LRRK1: variants seen among roughly 807,000 people sequenced by gnomAD.
LRRK1 encodes the protein leucine rich repeat kinase 1, also known as leucine-rich repeat serine/threonine-protein kinase 1.
A neutral mutation model predicts 209.1 loss-of-function variants in LRRK1; 113 were observed. That is an observed-to-expected ratio of 0.54 (90% CI 0.46 to 0.63). The LOEUF (loss-of-function observed/expected upper bound fraction) is 0.63, where lower values mean the gene tolerates loss of function less well. Among genes scored for constraint, LRRK1 ranks in the 30% least tolerant of loss-of-function variants. The probability of loss-of-function intolerance (pLI) is 0.00; values close to 1 mark genes in which losing one functional copy is unlikely to be tolerated. For synonymous variants in LRRK1, 1,144 were observed against 1,099.7 expected (o/e 1.04, Z -0.80); for missense variants, 2,284 against 2,632.2 (o/e 0.87, Z 2.89).
intron 20 of LRRK1, among the ~76,000 whole-genome samples, chr15:101,036,671 T>A (rs1344145897): frequency 6.6e-6 from 1 of 152,190 alleles, no homozygotes; most frequent in Non-Finnish European, 1.5e-5. Context: ...GTATCATATG[T>A]CCTTGCTTTT....
At position 100,973,793 on chromosome 15, in the gene LRRK1, C is replaced by T; in HGVS notation, c.98-11C>T. 7.8e-7 allele frequency: 1 copy of T among 1,280,562 alleles called. No homozygotes were observed. Among genetic ancestry groups the T allele is most frequent in the Non-Finnish European group, 9.9e-7 (1 of 1,011,216 alleles). The allele number at this position is 1,280,562 out of a possible 1,614,324, so 79.3% of individuals were successfully genotyped here. On this transcript the variant is annotated splice_polypyrimidine_tract_variant and intron_variant, in intron 2 of 33. Transcript: ENST00000388948. ...CGGTGACGCCGTGTGTGTGTGCTTCCTCCCGCGCAGGTGCCGGGGACACGG... is the reference window on the plus strand; with the variant it reads ...CGGTGACGCCGTGTGTGTGTGCTTCTTCCCGCGCAGGTGCCGGGGACACGG...
intron 33 of LRRK1, chr15:101,067,169 T>C: frequency 2.3e-6 from 1 of 436,896 alleles, no homozygotes; most frequent in East Asian, 7.1e-5. Context: ...TCTCCAAGCC[T>C]GGGGTCTCAG....
At chr15:100,932,325 A>G (rs558006171) in intron 2 of LRRK1, among the ~76,000 whole-genome samples, 1 of 152,186 alleles carries the variant, frequency 6.6e-6, no homozygotes, top group South Asian at 2.1e-4. Flanking sequence ...AAGCACATGT[A>G]TGGTTATCTT....
Position 101,065,772 on chromosome 15 carries a change from G to C in LRRK1, c.5335G>C (p.Val1779Leu). ...YQLCARYFCG[V>L]PSPLRDMFPV... ...GCTGTGTGCCCGGTACTTCTGCGGG[G>C]TCCCCAGCCCCCTCAGGGACATGTT... The change falls in exon 32 of 34, where the codon GTC becomes CTC. Residue 1779 changes from valine to leucine, a missense_variant. This residue lies in a region of LRRK1 where 643 missense variants were observed against 695.9 expected (regional missense o/e 0.92). Coordinates refer to ENST00000388948, the MANE Select transcript of LRRK1 (RefSeq NM_024652.6). 1 of 1,614,102 alleles carries C rather than the reference G, an allele frequency of 6.2e-7. No homozygotes were observed.
chr15:101,057,443 GGTGTTTTT>G (rs1244226234), intron 28 of LRRK1, among the ~76,000 whole-genome samples: 2 of 152,140 alleles, frequency 1.3e-5, no homozygotes, highest in Non-Finnish European at 2.9e-5. Context: ...TTTTGACGGT[GGTGTTTTT>G]GTGTTTTTGG....
At chr15:101,042,733 G>A (rs1170640912) in intron 20 of LRRK1, among the ~76,000 whole-genome samples, 2 of 152,140 alleles carry the variant, frequency 1.3e-5, no homozygotes, top group Admixed American at 6.5e-5. Context: ...TGCTCTTGTC[G>A]GGGGATTTGT....
At chr15:100,964,812 G>GCA (rs1168092561) in intron 2 of LRRK1, among the ~76,000 whole-genome samples, 1 of 111,934 alleles carries the variant, frequency 8.9e-6, no homozygotes. Flanking sequence ...ACGCATGCGC[G>GCA]CACACACACA....
chr15:101,011,303 C>G (rs2033226846), intron 9 of LRRK1, among the ~76,000 whole-genome samples: 1 of 145,560 alleles, frequency 6.9e-6, no homozygotes, highest in Non-Finnish European at 1.5e-5. Flanking sequence ...CCCGTCTCTA[C>G]TAAAATTAAA....
intron 29 of LRRK1, among the ~76,000 whole-genome samples, chr15:101,058,617 C>CGGGGGGGGGGGGGGGCTAAACAGGGGG (rs1555479973): frequency 1.3e-5 from 1 of 75,366 alleles, no homozygotes; most frequent in Non-Finnish European, 2.2e-5. Context: ...GAAGGGGCAA[C>CGGGGGGGGGGGGGGGCTAAACAGGGGG]GGGGGGGGGC....
In LRRK1 at chr15:100,984,828, G is replaced by A. The variant is rs369562834; in HGVS notation, c.433+1129G>A. 1.6e-4 allele frequency among the ~76,000 whole-genome samples: 25 copies of A among 152,162 alleles called. 2 individuals carry two copies. The highest frequency in any genetic ancestry group is 7.9e-4 in the Admixed American group (12 of 15,286). ...CACTGCACCAGTCTAGGCAGGCATC[G>A]CTACAGCTATAGGGTGAGGCACACC... On this transcript the variant is annotated intron_variant, in intron 4 of 33. Coordinates refer to ENST00000388948, the MANE Select transcript of LRRK1 (RefSeq NM_024652.6).
At chr15:101,035,234 C>T (rs2034449113) in intron 20 of LRRK1, among the ~76,000 whole-genome samples, 1 of 151,784 alleles carries the variant, frequency 6.6e-6, no homozygotes, top group Non-Finnish European at 1.5e-5. Flanking sequence ...TCTAGATGAT[C>T]TGTCTAATGC....
intron 6 of LRRK1, among the ~76,000 whole-genome samples, chr15:101,008,488 G>A (rs1165238459): frequency 6.6e-6 from 1 of 152,118 alleles, no homozygotes; most frequent in Non-Finnish European, 1.5e-5. Context: ...ACGCTTCAGC[G>A]GTCTCCTCTG....
At chr15:101,019,550 G>A (rs74040233) in intron 12 of LRRK1, among the ~76,000 whole-genome samples, 10,445 of 151,944 alleles carry the variant, frequency 0.069, 1,185 homozygotes, top group African/African-American at 0.24. Context: ...TTCCATTATC[G>A]GCTCTCCCTG....
intron 33 of LRRK1, chr15:101,067,421 A>ATG (rs57333844): frequency 0.064 from 18,860 of 295,914 alleles, 464 homozygotes; most frequent in East Asian, 0.099. Context: ...CTCAGTTCAA[A>ATG]TGTGTGTGTG....
intron 26 of LRRK1, among the ~76,000 whole-genome samples, chr15:101,053,750 T>C (rs977934895): frequency 6.6e-5 from 10 of 152,258 alleles, no homozygotes; most frequent in African/African-American, 1.9e-4. Flanking sequence ...GGGAGCTGCA[T>C]TGAATCACTT....
Position 101,022,395 on chromosome 15 carries a change from T to C in LRRK1, c.1865T>C (p.Met622Thr), listed in dbSNP as rs754452197. The stretch of plus-strand genomic sequence containing the variant: ...TGATTTTGCACAGGCCCCAAAGCAA[T>C]GCTGTCTTACCTGCGTGCTCAGCTG... ...AEIQKEGPKA[M>T]LSYLRAQLRK... is the part of the protein sequence containing the mutation. The change falls in exon 15 of 34, where the codon ATG becomes ACG. Residue 622 changes from methionine (M) to threonine (T), a missense_variant. Around this residue, in one of 6 missense-constraint regions of LRRK1, gnomAD observed 494 missense variants for 522.1 expected, o/e 0.95. Transcript: ENST00000388948. This position sits in a 1 kb window ranked among gnomAD's most constrained non-coding sequence, Gnocchi z 4.0. 3 of 1,614,242 alleles carry C rather than the reference T, an allele frequency of 1.9e-6. No individual in the cohort carries two copies. The highest frequency in any genetic ancestry group is 2.7e-5 in the African/African-American group (2 of 75,070).
At position 101,027,697 on chromosome 15, in the gene LRRK1, C is replaced by T. The variant is rs55922118; in HGVS notation, c.2586C>T (p.Ser862=). 3.0e-4 allele frequency: 484 copies of T among 1,613,056 alleles called. 3 individuals carry two copies. In the East Asian group the frequency reaches 0.01, roughly 33 times the overall value. The stretch of plus-strand genomic sequence containing the variant: ...TGCTGGCAGAGCAGCAGCGCCGCAG[C>T]CGGGACGACGACGTGCAGTACCTGA... ...EAVLAEQQRR[S]RDDDVQYLTD... The change falls in exon 19 of 34, where the codon AGC becomes AGT. Residue 862 remains serine (S), a synonymous_variant. Transcript: ENST00000388948. The surrounding 1 kb of genome is among the most constrained non-coding windows in gnomAD (Gnocchi z 5.1).
At chr15:101,002,787 G>A (rs1042382923) in intron 6 of LRRK1, among the ~76,000 whole-genome samples, 1 of 152,206 alleles carries the variant, frequency 6.6e-6, no homozygotes, top group Admixed American at 6.5e-5. Context: ...AGGTTGGAGT[G>A]CAGGGGTGCA....
chr15:100,973,234 C>G (rs572842512), intron 2 of LRRK1, among the ~76,000 whole-genome samples: 1 of 152,220 alleles, frequency 6.6e-6, no homozygotes, highest in African/African-American at 2.4e-5. Context: ...GCAGCCCACG[C>G]TCTGGTGAAG....
Sources: gnomAD v4.1 joint callset for allele counts (sites outside exome capture counted in the v4.1 genomes callset) on GRCh38, gnomAD v4.1.1 for gene constraint, gnomAD v4.1.1 regional missense constraint, Gnocchi (gnomAD v3.1) non-coding constraint, MANE v1.5 for transcripts, NCBI Gene and HGNC (gene_info 2026-07-23, HGNC 2026-07-21) for gene names.